Variants in ZNF385D observed in about 807,000 individuals in gnomAD.
ZNF385D encodes zinc finger protein 385D.
Under a neutral mutation model 35.8 loss-of-function variants are expected in ZNF385D, and 15 were observed. The ratio of observed to expected loss-of-function variants is 0.42; its 90% CI spans 0.28 to 0.64. The LOEUF is 0.64. Ranked by LOEUF, ZNF385D falls within the 30% of genes least tolerant of loss-of-function variation. The pLI is 0.23. For missense variants in ZNF385D, 474 were observed against 494.6 expected, an observed-to-expected ratio of 0.96 and a Z score of 0.39; for synonymous variants, 212 against 186.8, an observed-to-expected ratio of 1.13 and a Z score of -1.10.
At chr3:21,931,321 C>T (rs1240240807) in intron 3 of ZNF385D, among the ~76,000 whole-genome samples, 3 of 152,080 alleles carry the variant, frequency 2.0e-5, no homozygotes, top group Non-Finnish European at 2.9e-5. Context: ...TGAGGAGACA[C>T]CAGAACTGCA....
chr3:22,030,493 G>C (rs1697932463), intron 3 of ZNF385D, among the ~76,000 whole-genome samples: 1 of 150,986 alleles, frequency 6.6e-6, no homozygotes, highest in Non-Finnish European at 1.5e-5. Flanking sequence ...GAGAGAGAAA[G>C]AGAGTGAGAG....
intron 3 of ZNF385D, among the ~76,000 whole-genome samples, chr3:22,026,637 T>C (rs1362019848): frequency 6.6e-6 from 1 of 152,200 alleles, no homozygotes; most frequent in African/African-American, 2.4e-5. Context: ...GGCATAGACA[T>C]ATTTAGCAGC....
intron 2 of ZNF385D, among the ~76,000 whole-genome samples, chr3:21,582,771 TCA>T (rs745725602): frequency 1.4e-3 from 206 of 152,132 alleles, no homozygotes; most frequent in Non-Finnish European, 2.0e-3. Flanking sequence ...ATTTATTTAT[TCA>T]TTCATTCATT....
At chr3:21,644,356 G>T (rs1156549309) in intron 2 of ZNF385D, among the ~76,000 whole-genome samples, 2 of 152,114 alleles carry the variant, frequency 1.3e-5, no homozygotes, top group Non-Finnish European at 2.9e-5. Flanking sequence ...ATAGCTCAGG[G>T]TGCAAGGCAG....
intron 3 of ZNF385D, among the ~76,000 whole-genome samples, chr3:21,900,112 A>G (rs1259696794): frequency 6.6e-6 from 1 of 152,164 alleles, no homozygotes; most frequent in Non-Finnish European, 1.5e-5. Context: ...TAGTGAGAAA[A>G]TGTTCAACCT....
chr3:22,149,620 T>G (rs1705094206), intron 3 of ZNF385D, among the ~76,000 whole-genome samples: 1 of 152,224 alleles, frequency 6.6e-6, no homozygotes, highest in African/African-American at 2.4e-5. Context: ...CAAGTGTCTG[T>G]GAATTCAACT....
chr3:22,251,800 T>C (rs1295377288), intron 2 of ZNF385D, among the ~76,000 whole-genome samples: 3 of 152,068 alleles, frequency 2.0e-5, no homozygotes, highest in Non-Finnish European at 4.4e-5. Context: ...GAGCTTGGGA[T>C]CTTAGAGACA....
chr3:21,776,697 C>T (rs2071302881), intron 3 of ZNF385D, among the ~76,000 whole-genome samples: 1 of 151,850 alleles, frequency 6.6e-6, no homozygotes, highest in East Asian at 1.9e-4. Flanking sequence ...AGTGTAGCAT[C>T]AGCAATTATC....
At chr3:22,346,464 G>C (rs1423930580) in intron 2 of ZNF385D, among the ~76,000 whole-genome samples, 1 of 152,120 alleles carries the variant, frequency 6.6e-6, no homozygotes, top group Non-Finnish European at 1.5e-5. Context: ...TATGTGAAGT[G>C]CTTTTATATT....
intron 3 of ZNF385D, among the ~76,000 whole-genome samples, chr3:22,160,208 T>G (rs919486786): frequency 6.6e-6 from 1 of 152,092 alleles, no homozygotes; most frequent in Non-Finnish European, 1.5e-5. Flanking sequence ...CAGTTCTGTA[T>G]AGCAGTATGA....
intron 3 of ZNF385D, among the ~76,000 whole-genome samples, chr3:21,760,615 G>A (rs986780328): frequency 3.3e-5 from 5 of 152,080 alleles, no homozygotes; most frequent in Non-Finnish European, 7.4e-5. Context: ...GCACAGATTA[G>A]GTATTTGAAA....
chr3:21,581,128 T>TAG (rs2063646985), intron 2 of ZNF385D, among the ~76,000 whole-genome samples: 1 of 152,194 alleles, frequency 6.6e-6, no homozygotes, highest in Admixed American at 6.5e-5. Flanking sequence ...TAGCCAGGTC[T>TAG]ACATTTCTCC....
chr3:22,083,654 C>G (rs551902026), intron 3 of ZNF385D, among the ~76,000 whole-genome samples: 2 of 152,322 alleles, frequency 1.3e-5, no homozygotes, highest in African/African-American at 4.8e-5. Flanking sequence ...TTGGAAAACA[C>G]TCTGTAGGAT....
intron 3 of ZNF385D, among the ~76,000 whole-genome samples, chr3:21,992,700 A>C (rs558885589): frequency 5.9e-5 from 9 of 152,312 alleles, no homozygotes; most frequent in African/African-American, 2.2e-4. Flanking sequence ...CCAAGTCATT[A>C]CATTTTCTTC....
At chr3:22,361,587 T>C (rs1249136590) in intron 2 of ZNF385D, among the ~76,000 whole-genome samples, 2 of 152,234 alleles carry the variant, frequency 1.3e-5, no homozygotes, top group Non-Finnish European at 2.9e-5. Flanking sequence ...CTGTCATTTA[T>C]TGATTGTTCT....
intron 2 of ZNF385D, among the ~76,000 whole-genome samples, chr3:22,172,970 C>T (rs1217126430): frequency 6.6e-6 from 1 of 152,106 alleles, no homozygotes; most frequent in African/African-American, 2.4e-5. Flanking sequence ...GTGAAGAAAC[C>T]TGACAAATAA....
chr3:22,080,681 T>C (rs1193522142), intron 3 of ZNF385D, among the ~76,000 whole-genome samples: 1 of 152,154 alleles, frequency 6.6e-6, no homozygotes, highest in South Asian at 2.1e-4. Flanking sequence ...TGAATGTTTT[T>C]TGTCCCCCTA....
intron 3 of ZNF385D, among the ~76,000 whole-genome samples, chr3:21,804,171 A>C (rs1481360186): frequency 6.6e-6 from 1 of 152,236 alleles, no homozygotes; most frequent in Non-Finnish European, 1.5e-5. Context: ...ATTTGGGCAC[A>C]AGTATGATGA....
chr3:22,230,192 A>T (rs1376376164), intron 2 of ZNF385D, among the ~76,000 whole-genome samples: 1 of 152,164 alleles, frequency 6.6e-6, no homozygotes, highest in African/African-American at 2.4e-5. Flanking sequence ...CTCATTTTCT[A>T]TTGCACCACC....
Sources: gnomAD v4.1 joint callset for allele counts (sites outside exome capture counted in the v4.1 genomes callset) on GRCh38, gnomAD v4.1.1 for gene constraint, MANE v1.5 for transcripts, NCBI Gene and HGNC (gene_info 2026-07-23, HGNC 2026-07-21) for gene names.